The following GABRB2 variants were observed in gnomAD, a reference collection of about 807,000 sequenced individuals.
GABRB2 encodes the protein gamma-aminobutyric acid type A receptor subunit beta2.
GABRB2 carries 16 observed loss-of-function variants against 54.7 expected under a neutral mutation model. That is an observed-to-expected ratio of 0.29 (90% confidence interval 0.20 to 0.44). The LOEUF is 0.44. Among genes scored for constraint, GABRB2 ranks in the 20% least tolerant of loss-of-function variants. The pLI is 1.00. For missense variants in GABRB2, 355 were observed against 644.0 expected (o/e 0.55, Z 4.86); for synonymous variants, 244 against 233.8 (o/e 1.04, Z -0.40).
intron 4 of GABRB2, among the ~76,000 whole-genome samples, chr5:161,455,536 T>A (rs1384889470): frequency 6.6e-6 from 1 of 151,616 alleles, no homozygotes; most frequent in East Asian, 1.9e-4. Flanking sequence ...CCAATTTTTT[T>A]TTTTTTTTTT....
At chr5:161,441,715 C>T (rs1466605822) in intron 4 of GABRB2, among the ~76,000 whole-genome samples, 1 of 152,096 alleles carries the variant, frequency 6.6e-6, no homozygotes. Flanking sequence ...TGTCCATCAA[C>T]AGATGAATGA....
At position 161,393,299 on chromosome 5, in the gene GABRB2, T is replaced by TAAAAAAAAA. The variant is rs533308700; in HGVS notation, c.541+17667_541+17675dup. 2.5e-4 allele frequency among the ~76,000 whole-genome samples: 10 copies of TAAAAAAAAA among 40,326 alleles called. 1 individual carries two copies. Among genetic ancestry groups the TAAAAAAAAA allele is most frequent in the Admixed American group, 3.9e-4 (1 of 2,576 alleles). The allele number at this position is 40,326 out of a possible 152,430, so 26.5% of individuals were successfully genotyped here. A position where few individuals can be genotyped will look rare whatever the true frequency, so the allele number is the denominator to read the frequency against. On this transcript the variant is annotated intron_variant, in intron 5 of 9. Coordinates refer to ENST00000393959, the MANE Select transcript of GABRB2 (RefSeq NM_001371727.1). ...TCCCTTTTATAACTCTTTAAAAATG[T>TAAAAAAAAA]AAAAAAAAAAAAAAAAAAAAAAAAA...
intron 4 of GABRB2, among the ~76,000 whole-genome samples, chr5:161,449,872 C>T (rs1757743384): frequency 6.6e-6 from 1 of 151,994 alleles, no homozygotes; most frequent in African/African-American, 2.4e-5. Flanking sequence ...GAAGACCTGG[C>T]TTCTTTCCAC....
At chr5:161,369,533 G>GGAGA (rs70990780) in intron 5 of GABRB2, among the ~76,000 whole-genome samples, 4,381 of 146,374 alleles carry the variant, frequency 0.03, 232 homozygotes, top group African/African-American at 0.1. Flanking sequence ...AGGAGGAGAG[G>GGAGA]GAGAGAGAGA....
intron 9 of GABRB2, among the ~76,000 whole-genome samples, chr5:161,294,724 A>G (rs1205886829): frequency 6.6e-6 from 1 of 152,224 alleles, no homozygotes. Flanking sequence ...GGGCACGCAG[A>G]GAAATCGAAG....
intron 3 of GABRB2, among the ~76,000 whole-genome samples, chr5:161,530,954 G>A (rs2066949): frequency 0.28 from 42,165 of 151,972 alleles, 6,317 homozygotes; most frequent in Admixed American, 0.4. Context: ...GGTGCACCCA[G>A]CTGATCAAAG....
At chr5:161,477,475 T>C (rs1237878941) in intron 3 of GABRB2, among the ~76,000 whole-genome samples, 1 of 151,770 alleles carries the variant, frequency 6.6e-6, no homozygotes, top group Non-Finnish European at 1.5e-5. Context: ...CCAAAATAAT[T>C]GAAAGTAGGA....
intron 3 of GABRB2, among the ~76,000 whole-genome samples, chr5:161,495,038 G>A (rs1279349947): frequency 1.3e-5 from 2 of 151,876 alleles, no homozygotes; most frequent in East Asian, 3.9e-4. Context: ...ATTTAAAGTG[G>A]TTGCTGTTGT....
chr5:161,289,900 A>T lies in GABRB2; in HGVS notation c.*4181T>A, dbSNP rs1389298014. 1.3e-5 allele frequency: 2 copies of T among 152,042 alleles called. No homozygotes were observed. Among genetic ancestry groups the T allele is most frequent in the African/African-American group, 4.8e-5 (2 of 41,396 alleles). 9.4% of individuals were successfully genotyped at this position (152,042 alleles called of 1,614,324 possible). ...ATTTATGCAAAAGGGTGTTTAAATT[A>T]CTCTGCTGGGGGCACTGCAGTAATA... On this transcript the variant is annotated 3_prime_UTR_variant, in exon 10 of 10. Coordinates refer to ENST00000393959, the MANE Select transcript of GABRB2 (RefSeq NM_001371727.1).
chr5:161,536,582 A>C (rs755694280), intron 3 of GABRB2, among the ~76,000 whole-genome samples: 2 of 151,358 alleles, frequency 1.3e-5, no homozygotes, highest in Non-Finnish European at 2.9e-5. Flanking sequence ...TCTTCAACCT[A>C]CTCCTTTCTA....
At chr5:161,524,191 T>C (rs1220778647) in intron 3 of GABRB2, among the ~76,000 whole-genome samples, 1 of 151,410 alleles carries the variant, frequency 6.6e-6, no homozygotes, top group African/African-American at 2.4e-5. Context: ...TTCTCCTTCT[T>C]ACATTAATGT....
At chr5:161,539,543 CAAG>C (rs1760748445) in intron 3 of GABRB2, among the ~76,000 whole-genome samples, 1 of 152,172 alleles carries the variant, frequency 6.6e-6, no homozygotes, top group Non-Finnish European at 1.5e-5. Flanking sequence ...CTTTGAGTTG[CAAG>C]CCAAGTTAAT....
At chr5:161,350,724 C>T (rs569590565) in intron 5 of GABRB2, among the ~76,000 whole-genome samples, 1 of 152,072 alleles carries the variant, frequency 6.6e-6, no homozygotes, top group African/African-American at 2.4e-5. Flanking sequence ...GCTGCCAGTG[C>T]AGCCAGGATA....
chr5:161,385,917 T>A (rs1421589141), intron 5 of GABRB2, among the ~76,000 whole-genome samples: 1 of 150,914 alleles, frequency 6.6e-6, no homozygotes, highest in Non-Finnish European at 1.5e-5. Flanking sequence ...TGGCACATAG[T>A]TAACTTTTAG....
At chr5:161,449,358 C>A (rs567643651) in intron 4 of GABRB2, among the ~76,000 whole-genome samples, 1 of 152,140 alleles carries the variant, frequency 6.6e-6, no homozygotes, top group African/African-American at 2.4e-5. Flanking sequence ...AAGGTTACTA[C>A]TACTACTACA....
intron 4 of GABRB2, among the ~76,000 whole-genome samples, chr5:161,446,799 G>A (rs1158977496): frequency 6.6e-6 from 1 of 151,950 alleles, no homozygotes. Context: ...TCCAGATTTT[G>A]GCTCTTACTT....
intron 9 of GABRB2, among the ~76,000 whole-genome samples, chr5:161,316,175 C>G (rs1192941327): frequency 1.3e-5 from 2 of 152,120 alleles, no homozygotes; most frequent in African/African-American, 4.8e-5. Flanking sequence ...TGATCACATC[C>G]TTATTTTTTG....
chr5:161,399,317 C>A (rs1046259255), intron 5 of GABRB2, among the ~76,000 whole-genome samples: 3 of 152,064 alleles, frequency 2.0e-5, no homozygotes, highest in Admixed American at 1.3e-4. Context: ...TCCTGAATTA[C>A]CACAAACTAC....
chr5:161,540,117 T>C (rs1391897429), intron 3 of GABRB2, among the ~76,000 whole-genome samples: 1 of 152,224 alleles, frequency 6.6e-6, no homozygotes, highest in African/African-American at 2.4e-5. Context: ...TGTGGCATGC[T>C]ATCCTGTGTG....
Sources: gnomAD v4.1 joint callset for allele counts (sites outside exome capture counted in the v4.1 genomes callset) on GRCh38, gnomAD v4.1.1 for gene constraint, MANE v1.5 for transcripts, NCBI Gene and HGNC (gene_info 2026-07-23, HGNC 2026-07-21) for gene names.